Variants in CDC42BPB observed in about 807,000 individuals in gnomAD.
CDC42BPB encodes the protein CDC42 binding protein kinase beta.
CDC42BPB carries 37 observed loss-of-function variants against 214.9 expected under a neutral mutation model. That is an observed-to-expected ratio of 0.17 (90% confidence interval 0.13 to 0.23). CDC42BPB has a LOEUF of 0.23. Among genes scored for constraint, CDC42BPB ranks in the 10% least tolerant of loss-of-function variants. CDC42BPB has a pLI of 1.00. For synonymous variants in CDC42BPB, 931 were observed against 884.0 expected (o/e 1.05, Z -0.94); for missense variants, 1,694 against 2,227.0 (o/e 0.76, Z 4.82).
At chr14:103,008,690 C>A (rs917953197) in intron 2 of CDC42BPB, 135 bp from the exon 3 acceptor site, 1 of 1,460,692 alleles carries the variant, frequency 6.8e-7, no homozygotes, top group Non-Finnish European at 9.0e-7. Flanking sequence ...AAGTTTCCCA[C>A]CTAGCATGTG....
At position 103,030,215 on chromosome 14, in the gene CDC42BPB, G is replaced by A. The variant is rs576307819; in HGVS notation, c.176-18027C>T. Among the ~76,000 whole-genome samples the A allele has an allele frequency of 2.0e-4, 31 of 152,316 alleles. 1 individual carries two copies. The South Asian group carries it at 4.3e-3, about 21-fold the overall frequency. Reference sequence around the variant, plus strand: ...CATCTCCATGGGGCGTGCCCAGCACGGTATCAAAGCCCTCTCATGGCCAAT... The same window carrying A: ...CATCTCCATGGGGCGTGCCCAGCACAGTATCAAAGCCCTCTCATGGCCAAT... On this transcript the variant is annotated intron_variant, in intron 1 of 36. Coordinates refer to ENST00000361246, the MANE Select transcript of CDC42BPB (RefSeq NM_006035.4).
At chr14:103,005,916 A>G (rs929785856) in intron 3 of CDC42BPB, among the ~76,000 whole-genome samples, 2 of 149,312 alleles carry the variant, frequency 1.3e-5, no homozygotes, top group African/African-American at 5.0e-5. Context: ...GCTACTCGGG[A>G]GGCTGAGGCA....
chr14:103,053,343 T>C (rs1415033286), intron 1 of CDC42BPB, among the ~76,000 whole-genome samples: 1 of 148,332 alleles, frequency 6.7e-6, no homozygotes, highest in Non-Finnish European at 1.5e-5. Context: ...TGAGACTCCG[T>C]CTCAAAAAAA....
chr14:102,981,394 A>C (rs1167144736), intron 7 of CDC42BPB, among the ~76,000 whole-genome samples: 1 of 152,246 alleles, frequency 6.6e-6, no homozygotes, highest in African/African-American at 2.4e-5. Context: ...AAAAGCAGTT[A>C]CTAAGAGGAA....
In CDC42BPB at chr14:102,939,897, G is replaced by C. The variant is rs1400235479; in HGVS notation, c.4642C>G (p.Leu1548Val). The C allele has an allele frequency of 6.2e-7, 1 of 1,613,920 alleles. No individual in the cohort carries two copies. Among genetic ancestry groups the C allele is most frequent in the Non-Finnish European group, 8.5e-7 (1 of 1,180,052 alleles). The stretch of plus-strand genomic sequence containing the variant: ...AACCGCCTTTTGCTCCTGGTGCGCA[G>C]CATCTGCTTCTTGCTGTTGTCGGAG... The part of the protein sequence containing the change: ...DTSDNSKKQM[L>V]RTRSKRRFVF... Residue 1548 changes from leucine to valine, a missense_variant, in exon 33 of 37, where the codon CTG becomes GTG. Physicochemically the swap from Leu to Val is conservative, Grantham distance 32. Transcript: ENST00000361246.
At chr14:103,051,298 T>C (rs2139785150) in intron 1 of CDC42BPB, among the ~76,000 whole-genome samples, 1 of 151,880 alleles carries the variant, frequency 6.6e-6, no homozygotes, top group East Asian at 1.9e-4. Flanking sequence ...AAGGTAACCA[T>C]AACATACCGT....
At chr14:102,955,978 G>A (rs983798776) in intron 21 of CDC42BPB, among the ~76,000 whole-genome samples, 4 of 152,164 alleles carry the variant, frequency 2.6e-5, no homozygotes, top group Admixed American at 6.5e-5. Flanking sequence ...ATTCACAAGG[G>A]AAAGGCTAGC....
intron 1 of CDC42BPB, among the ~76,000 whole-genome samples, chr14:103,047,987 A>G (rs899090994): frequency 6.6e-6 from 1 of 151,974 alleles, no homozygotes; most frequent in Non-Finnish European, 1.5e-5. Context: ...TAGAAGATTC[A>G]CTCCACCAAA....
In CDC42BPB at chr14:102,945,514, C is replaced by T. The variant is rs112365164; in HGVS notation, c.3811+148G>A. 609 of 660,006 alleles carry T rather than the reference C, an allele frequency of 9.2e-4. 2 individuals carry two copies. Among genetic ancestry groups the T allele is most frequent in the African/African-American group, 8.3e-3 (469 of 56,252 alleles). The allele number at this position is 660,006 out of a possible 1,614,324, so 40.9% of individuals were successfully genotyped here. On this transcript the variant is annotated intron_variant, in intron 29 of 36. Coordinates refer to ENST00000361246, the MANE Select transcript of CDC42BPB (RefSeq NM_006035.4). ...ACTTAGCACCGCGTCGCCATGCACT[C>T]GATGCCGGTCTTCACGGCACGCTGG...
chr14:102,956,560 T>G (rs565290139), intron 21 of CDC42BPB: 3 of 241,332 alleles, frequency 1.2e-5, no homozygotes, highest in African/African-American at 4.6e-5. Context: ...CCAGGCACGG[T>G]GGCTCATGCC....
intron 1 of CDC42BPB, among the ~76,000 whole-genome samples, chr14:103,025,583 C>T (rs8020415): frequency 0.035 from 5,360 of 151,080 alleles, 301 homozygotes; most frequent in African/African-American, 0.12. Context: ...TTTGGGAAGC[C>T]GAGGCGGGTG....
At position 102,945,565 on chromosome 14, in the gene CDC42BPB, A is replaced by G. The variant is rs555072397; in HGVS notation, c.3811+97T>C. On this transcript the variant is annotated intron_variant, in intron 29 of 36. Transcript: ENST00000361246. ...CCCCTCCGGCGCCTTCATCAAGCGC[A>G]TTTGTCTTAACCCTTAGGAGCTACT... 5.1e-5 allele frequency: 58 copies of G among 1,131,234 alleles called. No individual in the cohort carries two copies. In the South Asian group the frequency reaches 6.7e-4, roughly 13 times the overall value. The allele number at this position is 1,131,234 out of a possible 1,614,324, so 70.1% of individuals were successfully genotyped here. A position where few individuals can be genotyped will look rare whatever the true frequency, so the allele number is the denominator to read the frequency against.
At chr14:103,019,590 C>T (rs555635545) in intron 1 of CDC42BPB, among the ~76,000 whole-genome samples, 68 of 152,320 alleles carry the variant, frequency 4.5e-4, no homozygotes, top group African/African-American at 1.4e-3. Context: ...CTGACATTCA[C>T]GAGGAGTCAT....
rs993216586 is a variant in CDC42BPB, at chr14:102,996,136, A to G, written c.596+3429T>C. Among the ~76,000 whole-genome samples, 12 of 152,086 alleles carry G rather than the reference A, an allele frequency of 7.9e-5. No homozygotes were observed. The East Asian group carries it at 9.8e-4, about 12-fold the overall frequency. On this transcript the variant is annotated intron_variant, in intron 5 of 36. Transcript: ENST00000361246. ...GGGCGGATCACGAGGTCAGGAGATC[A>G]AGACCATTCTGGCTAACACGGTGAA...
chr14:103,048,532 CAAAAAAAAAAAAAAAAAA>C (rs71119751), intron 1 of CDC42BPB, among the ~76,000 whole-genome samples: 1 of 42,656 alleles, frequency 2.3e-5, no homozygotes, highest in African/African-American at 9.2e-5. Flanking sequence ...ACTAAAAATA[CAAAAAAAAAAAAAAAAAA>C]AAAAAAAAAA....
chr14:102,943,231 C>G lies in CDC42BPB; in HGVS notation c.4408+660G>C, dbSNP rs569717615. 2.0e-5 allele frequency among the ~76,000 whole-genome samples: 3 copies of G among 152,296 alleles called. No individual in the cohort carries two copies. The South Asian group carries it at 6.2e-4, about 32-fold the overall frequency. The stretch of plus-strand genomic sequence containing the variant: ...TCAAGTGAGCCTCCTGCCTCAGTCT[C>G]GCACAGTGCTGGGATTACAGGTGTG... On this transcript the variant is annotated intron_variant, in intron 30 of 36. Coordinates refer to ENST00000361246, the MANE Select transcript of CDC42BPB (RefSeq NM_006035.4). This position sits in a 1 kb window ranked among gnomAD's most constrained non-coding sequence, Gnocchi z 4.6.
rs552579242 is a variant in CDC42BPB, at chr14:102,977,253, C to T, written c.1220+873G>A. ...ACTCAGGAGGCTGCGGCAGGGGAAT[C>T]GCTTGAACCCGGGAGGCAGAAGTTG... On this transcript the variant is annotated intron_variant, in intron 9 of 36. Transcript: ENST00000361246. Among the ~76,000 whole-genome samples the T allele has an allele frequency of 6.0e-5, 9 of 149,126 alleles. No individual in the cohort carries two copies. The South Asian group carries it at 1.3e-3, about 21-fold the overall frequency.
At chr14:102,995,869 C>G (rs1894705975) in intron 5 of CDC42BPB, among the ~76,000 whole-genome samples, 1 of 152,232 alleles carries the variant, frequency 6.6e-6, no homozygotes, top group African/African-American at 2.4e-5. Context: ...TTCACAATGC[C>G]CCCACCTGAG....
chr14:102,939,164 C>T (rs541331155), intron 34 of CDC42BPB, among the ~76,000 whole-genome samples: 1 of 152,264 alleles, frequency 6.6e-6, no homozygotes, highest in African/African-American at 2.4e-5. Context: ...TGGTCTCGAT[C>T]TCCTGACCTC....
Sources: gnomAD v4.1 joint callset for allele counts (sites outside exome capture counted in the v4.1 genomes callset) on GRCh38, gnomAD v4.1.1 for gene constraint, Gnocchi (gnomAD v3.1) non-coding constraint, MANE v1.5 for transcripts, NCBI Gene and HGNC (gene_info 2026-07-23, HGNC 2026-07-21) for gene names.